EAPP: variants seen among roughly 807,000 people sequenced by gnomAD.
EAPP encodes the protein E2F-associated phosphoprotein.
EAPP carries 38 observed loss-of-function variants against 34.3 expected under a neutral mutation model. The observed-to-expected ratio is 1.11, with a 90% CI of 0.85 to 1.45. The LOEUF (loss-of-function observed/expected upper bound fraction) is 1.45. EAPP is among the 40% of genes most tolerant of loss of function. EAPP has a pLI of 0.00. For missense variants in EAPP, 338 were observed against 343.7 expected (o/e 0.98, Z 0.13); for synonymous variants, 113 against 117.6 (o/e 0.96, Z 0.25).
At chr14:34,524,549 G>T in intron 5 of EAPP, 148 bp downstream of exon 5, 2 of 619,480 alleles carry the variant, frequency 3.2e-6, no homozygotes, top group South Asian at 2.0e-5. Context: ...CCACGGGGCG[G>T]AGGTTGCAGT....
At chr14:34,536,693 G>A (rs72673460) in intron 1 of EAPP, among the ~76,000 whole-genome samples, 3,591 of 151,804 alleles carry the variant, frequency 0.024, 54 homozygotes, top group Middle Eastern at 0.054. Context: ...ATGTTGCCCA[G>A]GATGGTTTTT....
chr14:34,525,771 G>C (rs1880073732), intron 4 of EAPP, among the ~76,000 whole-genome samples: 1 of 152,228 alleles, frequency 6.6e-6, no homozygotes, highest in East Asian at 1.9e-4. Flanking sequence ...TGTAATCCCA[G>C]CACTTTGGGA....
At position 34,518,411 on chromosome 14, in the gene EAPP, T is replaced by C. The variant is rs1259211411; in HGVS notation, c.582-1825A>G. ...GTGCAATAGCACGATCTTGGCTCACTGCAACCTTCACCTCCCAGCTTCAAG... is the reference window on the plus strand; with the variant it reads ...GTGCAATAGCACGATCTTGGCTCACCGCAACCTTCACCTCCCAGCTTCAAG... On this transcript the variant is annotated intron_variant, in intron 5 of 5. Coordinates refer to ENST00000250454, the MANE Select transcript of EAPP (RefSeq NM_018453.4). 3.7e-5 allele frequency among the ~76,000 whole-genome samples: 5 copies of C among 135,446 alleles called. No homozygotes were observed. In the East Asian group the frequency reaches 1.0e-3, roughly 28 times the overall value. The allele number at this position is 135,446 out of a possible 152,430, so 88.9% of individuals were successfully genotyped here.
chr14:34,518,325 A>ATTTTTTTTTT lies in EAPP; in HGVS notation c.582-1749_582-1740dup, dbSNP rs71404852. 1.8e-4 allele frequency among the ~76,000 whole-genome samples: 13 copies of ATTTTTTTTTT among 74,082 alleles called. 3 individuals are homozygous for ATTTTTTTTTT. The highest frequency in any genetic ancestry group is 6.2e-4 in the African/African-American group (9 of 14,626). 48.6% of individuals were successfully genotyped at this position (74,082 alleles called of 152,430 possible). A position where few individuals can be genotyped will look rare whatever the true frequency, so the allele number is the denominator to read the frequency against. On this transcript the variant is annotated intron_variant, in intron 5 of 5. Transcript: ENST00000250454. Reference sequence around the variant, plus strand: ...TACTGTATTGTATCTCTCCCTTTAGATTTTTTTTTTTTTTTTTTTTTTTTT... The same window carrying ATTTTTTTTTT: ...TACTGTATTGTATCTCTCCCTTTAGATTTTTTTTTTTTTTTTTTTTTTTTTTTTTTTTTTT...
chr14:34,527,180 A>AG (rs1364623067), intron 4 of EAPP, among the ~76,000 whole-genome samples: 1 of 151,274 alleles, frequency 6.6e-6, no homozygotes, highest in African/African-American at 2.4e-5. Context: ...AAAAAAAAAA[A>AG]AAAAAAATGG....
intron 1 of EAPP, 119 bp downstream of exon 1, chr14:34,539,436 G>A: frequency 8.9e-7 from 1 of 1,128,104 alleles, no homozygotes; most frequent in Non-Finnish European, 1.3e-6. Flanking sequence ...CAAGTAACAG[G>A]CACGACAGGC....
Position 34,539,672 on chromosome 14 carries a change from G to C in EAPP, c.-44C>G. 6.7e-7 allele frequency: 1 copy of C among 1,503,614 alleles called. No individual in the cohort carries two copies. Among genetic ancestry groups the C allele is most frequent in the Non-Finnish European group, 8.9e-7 (1 of 1,126,824 alleles). The allele number at this position is 1,503,614 out of a possible 1,614,324, so 93.1% of individuals were successfully genotyped here. A position where few individuals can be genotyped will look rare whatever the true frequency, so the allele number is the denominator to read the frequency against. ...ACACCGTCCACAAGCAATTTGCAGCGTCTCTGTTTACACTGCAAGTCCAGT... is the reference window on the plus strand; with the variant it reads ...ACACCGTCCACAAGCAATTTGCAGCCTCTCTGTTTACACTGCAAGTCCAGT... On this transcript the variant is annotated 5_prime_UTR_variant, in exon 1 of 6. Transcript: ENST00000250454.
At chr14:34,524,456 A>C (rs1014181863) in intron 5 of EAPP, among the ~76,000 whole-genome samples, 1 of 152,004 alleles carries the variant, frequency 6.6e-6, no homozygotes, top group Admixed American at 6.6e-5. Flanking sequence ...AGATCTAGAT[A>C]CACACAAAAA....
At chr14:34,519,885 C>CT (rs763536134) in intron 5 of EAPP, among the ~76,000 whole-genome samples, 8,732 of 133,586 alleles carry the variant, frequency 0.065, 777 homozygotes, top group African/African-American at 0.21. Context: ...TCTTTCTTTT[C>CT]TTTTTTTTTT....
chr14:34,525,566 T>C (rs111990354), intron 4 of EAPP, among the ~76,000 whole-genome samples: 2,419 of 152,146 alleles, frequency 0.016, 67 homozygotes, highest in African/African-American at 0.055. Flanking sequence ...TTAAGGGCAC[T>C]GAAAACAAGG....
chr14:34,539,552 C>T lies in EAPP; in HGVS notation c.74+3G>A. 6.2e-7 allele frequency: 1 copy of T among 1,605,690 alleles called. No individual in the cohort carries two copies. Among genetic ancestry groups the T allele is most frequent in the Non-Finnish European group, 8.5e-7 (1 of 1,178,622 alleles). The stretch of plus-strand genomic sequence containing the variant: ...CGGGGGCCAGGGTGGGGCGGGAGCC[C>T]ACCTGCTCAAAGCCGGCTCCTCGTC... On this transcript the variant is annotated splice_donor_region_variant and intron_variant, in intron 1 of 5. Transcript: ENST00000250454.
chr14:34,532,556 G>T (rs72673455), intron 3 of EAPP, among the ~76,000 whole-genome samples: 17,823 of 152,140 alleles, frequency 0.12, 1,377 homozygotes, highest in South Asian at 0.16. Flanking sequence ...TAAAGGAAGA[G>T]GGGGGAAAAG....
chr14:34,528,056 T>TTTC, intron 4 of EAPP, among the ~76,000 whole-genome samples: 1 of 151,604 alleles, frequency 6.6e-6, no homozygotes, highest in African/African-American at 2.4e-5. Flanking sequence ...TTTTTTTTTT[T>TTTC]TTTTTGAGAC....
intron 4 of EAPP, among the ~76,000 whole-genome samples, chr14:34,528,145 G>A (rs1164328307): frequency 6.8e-6 from 1 of 147,156 alleles, no homozygotes; most frequent in Non-Finnish European, 1.5e-5. Flanking sequence ...GGGATCAAGC[G>A]ATTCTTGTGC....
intron 2 of EAPP, 96 bp from the exon 3 acceptor site, chr14:34,533,635 A>C: frequency 6.9e-6 from 5 of 725,542 alleles, no homozygotes; most frequent in Non-Finnish European, 6.8e-6. Context: ...AAACAATATC[A>C]ACTCATTCAC....
intron 5 of EAPP, among the ~76,000 whole-genome samples, chr14:34,517,948 T>C (rs1879792039): frequency 6.6e-6 from 1 of 151,852 alleles, no homozygotes; most frequent in African/African-American, 2.4e-5. Flanking sequence ...CTCATTTTTG[T>C]ATTTTTAGTA....
rs139666226 is a variant in EAPP, at chr14:34,523,477, G to A, written c.581+1220C>T. 2.8e-3 allele frequency among the ~76,000 whole-genome samples: 416 copies of A among 150,192 alleles called. 1 individual carries two copies. Among genetic ancestry groups the A allele is most frequent in the African/African-American group, 9.7e-3 (398 of 40,844 alleles). On this transcript the variant is annotated intron_variant, in intron 5 of 5. Transcript: ENST00000250454. The stretch of plus-strand genomic sequence containing the variant: ...CCTGACCTCGTGATCCGCCCACCTC[G>A]GTCTCCCAAAGTGCTGGGATTACAG...
At chr14:34,528,045 A>AT (rs33982261) in intron 4 of EAPP, among the ~76,000 whole-genome samples, 66,669 of 142,080 alleles carry the variant, frequency 0.47, 16,149 homozygotes, top group East Asian at 0.68. Flanking sequence ...CCTCATCTCA[A>AT]TTTTTTTTTT....
chr14:34,523,399 G>A (rs949899190), intron 5 of EAPP, among the ~76,000 whole-genome samples: 9 of 151,722 alleles, frequency 5.9e-5, no homozygotes, highest in Non-Finnish European at 1.2e-4. Context: ...CACCATGCCC[G>A]GCTAATTTTT....
Sources: allele counts gnomAD v4.1 joint callset (sites outside exome capture counted in the v4.1 genomes callset), GRCh38; gene constraint gnomAD v4.1.1; transcripts MANE v1.5; gene names NCBI Gene and HGNC (gene_info 2026-07-23, HGNC 2026-07-21).